Variants in CDYL observed in about 807,000 individuals in gnomAD.
CDYL encodes chromodomain Y like, also known as chromodomain Y-like protein.
CDYL carries 8 observed loss-of-function variants against 47.3 expected under a neutral mutation model. The ratio of observed to expected loss-of-function variants is 0.17; its 90% confidence interval spans 0.10 to 0.31. The LOEUF (loss-of-function observed/expected upper bound fraction) is 0.31. CDYL is among the 10% of genes least tolerant of loss of function. CDYL has a pLI of 1.00. For missense variants in CDYL, 471 were observed against 701.4 expected (o/e 0.67, Z 3.71); for synonymous variants, 266 against 265.0 (o/e 1.00, Z -0.04).
At chr6:4,810,296 C>T (rs1208241982) in intron 1 of CDYL, among the ~76,000 whole-genome samples, 2 of 152,178 alleles carry the variant, frequency 1.3e-5, no homozygotes, top group Non-Finnish European at 2.9e-5. Flanking sequence ...GATTTCTCAA[C>T]TAGCATGAGT....
intron 1 of CDYL, among the ~76,000 whole-genome samples, chr6:4,797,190 C>T (rs1759095859): frequency 6.6e-6 from 1 of 152,014 alleles, no homozygotes; most frequent in African/African-American, 2.4e-5. Flanking sequence ...TTATATCCAT[C>T]TTTCTTGAAG....
chr6:4,787,798 A>G (rs1387097925), intron 1 of CDYL, among the ~76,000 whole-genome samples: 3 of 120,472 alleles, frequency 2.5e-5, no homozygotes, highest in Admixed American at 1.1e-4. Flanking sequence ...TGGGAGACAG[A>G]GTCTCGCTCT....
At chr6:4,753,131 C>G (rs1053243026) in intron 3 of CDYL, among the ~76,000 whole-genome samples, 3 of 152,016 alleles carry the variant, frequency 2.0e-5, no homozygotes, top group African/African-American at 7.2e-5. Flanking sequence ...GGGCTGGACT[C>G]GAACTCCTGA....
intron 1 of CDYL, among the ~76,000 whole-genome samples, chr6:4,855,131 T>TAGATTGGAGG (rs1760968463): frequency 6.6e-6 from 1 of 152,294 alleles, no homozygotes; most frequent in Non-Finnish European, 1.5e-5. Context: ...ACTATATAGA[T>TAGATTGGAGG]AGATTGGAGG....
intron 1 of CDYL, among the ~76,000 whole-genome samples, chr6:4,807,106 G>A (rs970971345): frequency 1.3e-5 from 2 of 152,144 alleles, no homozygotes; most frequent in Admixed American, 6.5e-5. Flanking sequence ...TGTTAGATTA[G>A]GGCTCACCCT....
At chr6:4,824,363 C>A (rs1176902636) in intron 1 of CDYL, among the ~76,000 whole-genome samples, 2 of 151,752 alleles carry the variant, frequency 1.3e-5, no homozygotes, top group African/African-American at 2.4e-5. Flanking sequence ...TTTTACATTT[C>A]CACTAGCAGC....
At chr6:4,733,545 A>C (rs1432593525) in intron 2 of CDYL, among the ~76,000 whole-genome samples, 1 of 152,110 alleles carries the variant, frequency 6.6e-6, no homozygotes, top group African/African-American at 2.4e-5. Flanking sequence ...ACTTTTTTCA[A>C]CCTCTGGCTC....
intron 1 of CDYL, among the ~76,000 whole-genome samples, chr6:4,781,280 T>TA (rs760866971): frequency 6.6e-6 from 1 of 152,222 alleles, no homozygotes; most frequent in African/African-American, 2.4e-5. Flanking sequence ...GGCTTTTACT[T>TA]ACATTGACCA....
chr6:4,827,715 G>A (rs565114269), intron 1 of CDYL, among the ~76,000 whole-genome samples: 4 of 152,266 alleles, frequency 2.6e-5, no homozygotes, highest in South Asian at 4.1e-4. Flanking sequence ...GAGCGCAGTG[G>A]CATGATCTCG....
chr6:4,751,869 T>G (rs1261142942), intron 3 of CDYL, among the ~76,000 whole-genome samples: 3 of 152,210 alleles, frequency 2.0e-5, no homozygotes, highest in Admixed American at 6.5e-5. Flanking sequence ...TTTCACAAGT[T>G]GAAGAAATAT....
intron 2 of CDYL, among the ~76,000 whole-genome samples, chr6:4,895,105 ATG>A (rs1266760359): frequency 6.6e-6 from 1 of 151,262 alleles, no homozygotes; most frequent in Non-Finnish European, 1.5e-5. Flanking sequence ...ATGTGTGTAT[ATG>A]TATCTATATG....
intron 2 of CDYL, among the ~76,000 whole-genome samples, chr6:4,924,614 T>G (rs1197773315): frequency 6.6e-6 from 1 of 152,232 alleles, no homozygotes; most frequent in South Asian, 2.1e-4. Context: ...TTATGACATC[T>G]TGAAGCATAT....
Position 4,834,469 on chromosome 6 carries a change from G to C in CDYL, c.25-57244G>C, listed in dbSNP as rs1239405077. 1.5e-4 allele frequency among the ~76,000 whole-genome samples: 23 copies of C among 150,052 alleles called. No homozygotes were observed. The South Asian group carries it at 3.0e-3, about 20-fold the overall frequency. ...CTGTTAGTCTGATGGGCTTCCCTTT[G>C]TGGGTAACCCGACCTTTCTCTCTGG... On this transcript the variant is annotated intron_variant, in intron 1 of 6. Transcript: ENST00000397588.
intron 2 of CDYL, among the ~76,000 whole-genome samples, chr6:4,913,581 A>G (rs1757471718): frequency 6.6e-6 from 1 of 152,258 alleles, no homozygotes; most frequent in Non-Finnish European, 1.5e-5. Flanking sequence ...ATTTAAAAAC[A>G]ACAGCCCTTG....
intron 1 of CDYL, among the ~76,000 whole-genome samples, chr6:4,800,488 A>G (rs576365150): frequency 7.9e-5 from 12 of 152,208 alleles, no homozygotes; most frequent in Non-Finnish European, 1.3e-4. Context: ...ATAGAAAACT[A>G]AGATATTACA....
chr6:4,896,971 T>G (rs1487124268), intron 2 of CDYL, among the ~76,000 whole-genome samples: 1 of 129,038 alleles, frequency 7.7e-6, no homozygotes, highest in African/African-American at 2.6e-5. Context: ...TTTAATTATT[T>G]TAAGTATGAC....
chr6:4,895,451 A>ATACGTATATATGTATG lies in CDYL; in HGVS notation c.691+3074_691+3075insCGTATATATGTATGTA, dbSNP rs1762243828. ...TATACATGTATACGTATATATGCAT[A>ATACGTATATATGTATG]TATACATGTATACATATATACGTAT... On this transcript the variant is annotated intron_variant, in intron 2 of 6. Transcript: ENST00000397588. Among the ~76,000 whole-genome samples the ATACGTATATATGTATG allele has an allele frequency of 1.0e-4, 9 of 88,142 alleles. 4 individuals carry two copies. Among genetic ancestry groups the ATACGTATATATGTATG allele is most frequent in the African/African-American group, 4.2e-4 (9 of 21,550 alleles). 57.8% of individuals were successfully genotyped at this position (88,142 alleles called of 152,430 possible).
At chr6:4,714,016 G>A (rs1757205822) in intron 1 of CDYL, 1 of 152,214 alleles carries the variant, frequency 6.6e-6, no homozygotes, top group Admixed American at 6.5e-5. Flanking sequence ...CCGTGTGCCA[G>A]GAGTTTTGTA....
chr6:4,933,428 A>G (rs1758090382), intron 2 of CDYL, among the ~76,000 whole-genome samples: 1 of 152,132 alleles, frequency 6.6e-6, no homozygotes, highest in Non-Finnish European at 1.5e-5. Context: ...GTCATCCAGC[A>G]TCCATTTCTC....
Sources: gnomAD v4.1 joint callset for allele counts (sites outside exome capture counted in the v4.1 genomes callset) on GRCh38, gnomAD v4.1.1 for gene constraint, MANE v1.5 for transcripts, NCBI Gene and HGNC (gene_info 2026-07-23, HGNC 2026-07-21) for gene names.